The following MAN2A1 variants were observed in gnomAD, a reference collection of about 807,000 sequenced individuals.
The protein encoded by MAN2A1 is alpha-mannosidase 2.
In MAN2A1, 76 loss-of-function variants were observed where a neutral mutation model predicts 142.6. The observed-to-expected ratio is 0.53, with a 90% CI of 0.44 to 0.65. The LOEUF (loss-of-function observed/expected upper bound fraction) is 0.65, where lower values mean the gene tolerates loss of function less well. Among genes scored for constraint, MAN2A1 ranks in the 30% least tolerant of loss-of-function variants. The pLI is 0.00. For synonymous variants in MAN2A1, 559 were observed against 473.2 expected (o/e 1.18, Z -2.35); for missense variants, 1,311 against 1,365.1 (o/e 0.96, Z 0.62).
intron 4 of MAN2A1, among the ~76,000 whole-genome samples, chr5:109,750,529 C>G (rs1481423958): frequency 6.6e-6 from 1 of 151,978 alleles, no homozygotes; most frequent in African/African-American, 2.4e-5. Context: ...TCTTTTCTTC[C>G]ATGGGATGTT....
rs572325176 is a variant in MAN2A1 at position 109,838,764 on chromosome 5, T to A, written c.2567-3564T>A. Among the ~76,000 whole-genome samples the A allele has an allele frequency of 3.9e-5, 6 of 152,352 alleles. No homozygotes were observed. The South Asian group carries it at 1.0e-3, about 26-fold the overall frequency. On this transcript the variant is annotated intron_variant, in intron 16 of 21. Coordinates refer to ENST00000261483, the MANE Select transcript of MAN2A1 (RefSeq NM_002372.4). ...TAAAAGTCTGTCCTGATACAAACTT[T>A]AAATTGATATCTTGCTGAATTGTGA...
At chr5:109,758,688 A>G (rs1752757366) in intron 5 of MAN2A1, among the ~76,000 whole-genome samples, 1 of 148,440 alleles carries the variant, frequency 6.7e-6, no homozygotes, top group Non-Finnish European at 1.5e-5. Flanking sequence ...TTAATATTAT[A>G]TAGTTAATAT....
Position 109,690,434 on chromosome 5 carries a change from A to T in MAN2A1, c.17A>T (p.Gln6Leu), listed in dbSNP as rs1348223477. ...TCGAGGAAAATGAAGTTAAGCCGCC[A>T]GTTCACCGTGTTCGGCAGTGCGATC... is the stretch of plus-strand genomic sequence containing the variant. MKLSR[Q>L]FTVFGSAIFC... Residue 6 changes from glutamine (Q) to leucine (L), a missense_variant, in exon 1 of 22, where the codon CAG (glutamine) becomes CTG (leucine). Gln to Leu is a moderately radical substitution (Grantham distance 113). This residue lies in a region of MAN2A1 where 409 missense variants were observed against 412.7 expected (regional missense o/e 0.99). Transcript: ENST00000261483. 6.2e-7 allele frequency: 1 copy of T among 1,613,916 alleles called. No individual in the cohort carries two copies. Among genetic ancestry groups the T allele is most frequent in the African/African-American group, 1.3e-5 (1 of 74,928 alleles).
intron 21 of MAN2A1, among the ~76,000 whole-genome samples, chr5:109,866,632 A>G (rs1755890660): frequency 6.6e-6 from 1 of 152,164 alleles, no homozygotes; most frequent in Non-Finnish European, 1.5e-5. Context: ...GCATGTATAT[A>G]TGTATATTTA....
chr5:109,740,282 G>A (rs986380601), intron 4 of MAN2A1, among the ~76,000 whole-genome samples: 7 of 152,230 alleles, frequency 4.6e-5, no homozygotes, highest in African/African-American at 1.7e-4. Context: ...CAGAGTGAGA[G>A]AAGAGAGGAG....
chr5:109,831,782 ATTAC>A (rs1441568602), intron 16 of MAN2A1, among the ~76,000 whole-genome samples: 2 of 151,420 alleles, frequency 1.3e-5, no homozygotes, highest in Non-Finnish European at 2.9e-5. Context: ...TCAGTCTTTC[ATTAC>A]TTCTCTAAAA....
chr5:109,696,912 A>G (rs567365574), intron 1 of MAN2A1, among the ~76,000 whole-genome samples: 2 of 152,374 alleles, frequency 1.3e-5, no homozygotes, highest in South Asian at 4.1e-4. Flanking sequence ...TCTAGATTGT[A>G]GTATGTTACA....
intron 5 of MAN2A1, among the ~76,000 whole-genome samples, chr5:109,763,215 G>T (rs1207085401): frequency 6.6e-6 from 1 of 152,100 alleles, no homozygotes; most frequent in Non-Finnish European, 1.5e-5. Flanking sequence ...GGTCTTTTGG[G>T]GTGTACTGCA....
chr5:109,728,666 C>A (rs2112582620), intron 3 of MAN2A1, among the ~76,000 whole-genome samples: 1 of 152,262 alleles, frequency 6.6e-6, no homozygotes, highest in Middle Eastern at 3.4e-3. Context: ...TCAACATCTA[C>A]AGTTCTCTTT....
At position 109,713,682 on chromosome 5, in the gene MAN2A1, T is replaced by C. The variant is rs1222175703; in HGVS notation, c.298T>C (p.Ser100Pro). Residue 100 changes from serine (S) to proline (P), a missense_variant, in exon 2 of 22, where the codon TCA becomes CCA. This residue lies in a region of MAN2A1 where 409 missense variants were observed against 412.7 expected (regional missense o/e 0.99). Transcript: ENST00000261483. ...AAGCAATTTCAGCCAAGGTGCTGGC[T>C]CACATCTTCTGCCCTCACAATTATC... ...SQSNFSQGAG[S>P]HLLPSQLSLS... 6.2e-7 allele frequency: 1 copy of C among 1,614,240 alleles called. No individual in the cohort carries two copies. The highest frequency in any genetic ancestry group is 1.7e-5 in the Admixed American group (1 of 60,028).
intron 7 of MAN2A1, among the ~76,000 whole-genome samples, chr5:109,774,547 A>G (rs1457357993): frequency 1.3e-5 from 2 of 152,110 alleles, no homozygotes; most frequent in African/African-American, 4.8e-5. Flanking sequence ...TTGGAAACCT[A>G]TGAGTTTTTC....
At chr5:109,858,487 C>G (rs1435864629) in intron 20 of MAN2A1, among the ~76,000 whole-genome samples, 10 of 152,146 alleles carry the variant, frequency 6.6e-5, no homozygotes, top group Non-Finnish European at 1.2e-4. Context: ...GAAGCCAGAC[C>G]TAAGCATTTT....
intron 12 of MAN2A1, among the ~76,000 whole-genome samples, chr5:109,814,769 G>A (rs1393550286): frequency 6.6e-6 from 1 of 152,156 alleles, no homozygotes; most frequent in African/African-American, 2.4e-5. Context: ...ATTATTGTTT[G>A]CATTAAGTAT....
intron 1 of MAN2A1, among the ~76,000 whole-genome samples, chr5:109,707,853 A>G (rs1561470508): frequency 6.6e-6 from 1 of 152,174 alleles, no homozygotes; most frequent in South Asian, 2.1e-4. Flanking sequence ...AAAGCCCTTT[A>G]CTGGAGATCT....
chr5:109,744,250 A>G (rs985396012), intron 4 of MAN2A1, among the ~76,000 whole-genome samples: 2 of 152,072 alleles, frequency 1.3e-5, no homozygotes, highest in African/African-American at 4.8e-5. Context: ...AACACAGTAT[A>G]ATAATAAAGG....
At chr5:109,819,032 AT>A (rs1180287593) in intron 13 of MAN2A1, among the ~76,000 whole-genome samples, 4 of 152,320 alleles carry the variant, frequency 2.6e-5, no homozygotes, top group Admixed American at 2.0e-4. Flanking sequence ...AGATTTTTCA[AT>A]TTTATAATAG....
intron 4 of MAN2A1, among the ~76,000 whole-genome samples, chr5:109,750,231 A>G (rs541150778): frequency 2.6e-5 from 4 of 151,916 alleles, no homozygotes; most frequent in Non-Finnish European, 5.9e-5. Flanking sequence ...CTTATCATGT[A>G]TGTTCTAGAA....
intron 4 of MAN2A1, among the ~76,000 whole-genome samples, chr5:109,740,896 T>TC (rs1235662611): frequency 6.6e-6 from 1 of 152,138 alleles, no homozygotes; most frequent in Non-Finnish European, 1.5e-5. Context: ...CAAATTTTCC[T>TC]CCCCTCTCTC....
intron 4 of MAN2A1, among the ~76,000 whole-genome samples, chr5:109,754,108 CCTTATGTT>C (rs1309450166): frequency 6.6e-6 from 1 of 151,864 alleles, no homozygotes; most frequent in Non-Finnish European, 1.5e-5. Flanking sequence ...TATGGGATCT[CCTTATGTT>C]GCCCAGGCTG....
Sources: gnomAD v4.1 joint callset for allele counts (sites outside exome capture counted in the v4.1 genomes callset) on GRCh38, gnomAD v4.1.1 for gene constraint, gnomAD v4.1.1 regional missense constraint, MANE v1.5 for transcripts, NCBI Gene and HGNC (gene_info 2026-07-23, HGNC 2026-07-21) for gene names.